Variants in RYR2 observed in about 807,000 individuals in gnomAD.
The protein encoded by RYR2 is ryanodine receptor 2, also known as cardiac muscle ryanodine receptor-calcium release channel.
Under a neutral mutation model 601.1 loss-of-function variants are expected in RYR2, and 227 were observed. The ratio of observed to expected loss-of-function variants is 0.38; its 90% CI spans 0.34 to 0.42. RYR2 has a LOEUF of 0.42. Ranked by LOEUF, RYR2 falls within the 10% of genes least tolerant of loss-of-function variation. The probability of loss-of-function intolerance (pLI) is 1.00; values close to 1 mark genes in which losing one functional copy is unlikely to be tolerated. For synonymous variants in RYR2, 2,223 were observed against 2,175.1 expected (o/e 1.02, Z -0.61); for missense variants, 4,646 against 6,156.5 (o/e 0.75, Z 8.21).
intron 5 of RYR2, among the ~76,000 whole-genome samples, chr1:237,366,618 C>A (rs1258622621): frequency 3.3e-5 from 5 of 149,698 alleles, no homozygotes; most frequent in Non-Finnish European, 7.4e-5. Flanking sequence ...AAAAAGCAAA[C>A]CAGAAAGAAC....
chr1:237,350,605 A>ATG (rs1558666087), intron 3 of RYR2, among the ~76,000 whole-genome samples: 1,284 of 74,442 alleles, frequency 0.017, 48 homozygotes, highest in African/African-American at 0.072. Flanking sequence ...AAAAAAAAAT[A>ATG]TATATATATA....
chr1:237,701,871 G>A (rs1313879702), intron 65 of RYR2, 107 bp from the exon 66 acceptor site: 3 of 591,032 alleles, frequency 5.1e-6, no homozygotes, highest in Non-Finnish European at 9.1e-6. Context: ...TCTTTTTATG[G>A]ATGAATAGTA....
chr1:237,257,651 C>T (rs538745707), intron 1 of RYR2, among the ~76,000 whole-genome samples: 16 of 152,186 alleles, frequency 1.1e-4, no homozygotes, highest in South Asian at 4.1e-4. Context: ...ATGCAGTGTG[C>T]GTGCTTCTGT....
At chr1:237,307,593 C>T in intron 2 of RYR2, among the ~76,000 whole-genome samples, 1 of 152,282 alleles carries the variant, frequency 6.6e-6, no homozygotes, top group East Asian at 1.9e-4. Flanking sequence ...ATTTATCAAG[C>T]TAACTTGAGT....
At chr1:237,706,419 G>T (rs1688384166) in intron 67 of RYR2, among the ~76,000 whole-genome samples, 1 of 152,206 alleles carries the variant, frequency 6.6e-6, no homozygotes, top group Non-Finnish European at 1.5e-5. Flanking sequence ...GGAAAGATGA[G>T]TTGTAAAAGT....
rs1304783030 is a variant in RYR2, at chr1:237,492,954, G to T, written c.1828G>T (p.Val610Phe). ...AGCTGAAAGTAATTTCTCTTTTCAG[G>T]TTCTGGATGTCTTGTGCTCACTCTG... The part of the protein sequence containing the change: ...LLDKHGRNHK[V>F]LDVLCSLCVC... The change falls in exon 19 of 105, where the codon GTT becomes TTT. Residue 610 changes from valine (V) to phenylalanine (F), a missense_variant and splice_region_variant. By Grantham distance (50) the Val-to-Phe change is conservative (BLOSUM62 -1). Around this residue, in one of 17 missense-constraint regions of RYR2, gnomAD observed 1,807 missense variants for 2,088.1 expected, o/e 0.87. Coordinates refer to ENST00000366574, the MANE Select transcript of RYR2 (RefSeq NM_001035.3). 1.9e-6 allele frequency: 3 copies of T among 1,579,220 alleles called. No individual in the cohort carries two copies. Among genetic ancestry groups the T allele is most frequent in the Non-Finnish European group, 2.6e-6 (3 of 1,160,032 alleles).
At chr1:237,330,488 A>G (rs1172022164) in intron 2 of RYR2, among the ~76,000 whole-genome samples, 2 of 152,126 alleles carry the variant, frequency 1.3e-5, no homozygotes, top group Non-Finnish European at 2.9e-5. Flanking sequence ...CCTGGGTTCA[A>G]ACTATTCTCC....
intron 1 of RYR2, among the ~76,000 whole-genome samples, chr1:237,054,893 C>T (rs1661782903): frequency 6.6e-6 from 1 of 152,102 alleles, no homozygotes; most frequent in South Asian, 2.1e-4. Context: ...TCTTCTGTCT[C>T]CCCATCCCCA....
At chr1:237,207,915 T>C (rs1166280197) in intron 1 of RYR2, among the ~76,000 whole-genome samples, 2 of 152,244 alleles carry the variant, frequency 1.3e-5, no homozygotes, top group South Asian at 4.1e-4. Flanking sequence ...TAATCTTTTC[T>C]TGTTTTTCAC....
chr1:237,364,439 A>G, intron 5 of RYR2, 67 bp downstream of exon 5: 1 of 874,632 alleles, frequency 1.1e-6, no homozygotes, highest in Non-Finnish European at 1.7e-6. Flanking sequence ...TGGATTATAT[A>G]TGTATGTATC....
chr1:237,255,762 A>T (rs895862208), intron 1 of RYR2, among the ~76,000 whole-genome samples: 1 of 150,924 alleles, frequency 6.6e-6, no homozygotes, highest in Non-Finnish European at 1.5e-5. Context: ...TGTGATTGGC[A>T]CTCGATTGAT....
intron 1 of RYR2, among the ~76,000 whole-genome samples, chr1:237,173,807 A>G (rs1279559512): frequency 6.6e-6 from 1 of 152,170 alleles, no homozygotes; most frequent in Non-Finnish European, 1.5e-5. Flanking sequence ...CTGTAATCCC[A>G]GCACTTTGGG....
At chr1:237,138,811 G>C (rs576494106) in intron 1 of RYR2, among the ~76,000 whole-genome samples, 1 of 152,158 alleles carries the variant, frequency 6.6e-6, no homozygotes. Flanking sequence ...GTTCAACTTT[G>C]TTAGTTATTA....
chr1:237,570,382 G>A (rs1439593740), intron 29 of RYR2, among the ~76,000 whole-genome samples: 1 of 149,708 alleles, frequency 6.7e-6, no homozygotes, highest in Non-Finnish European at 1.5e-5. Context: ...CTTGTCGCCC[G>A]GGCTGGAGTT....
At chr1:237,575,364 A>G (rs188671628) in intron 29 of RYR2, among the ~76,000 whole-genome samples, 37 of 152,258 alleles carry the variant, frequency 2.4e-4, no homozygotes, top group African/African-American at 8.4e-4. Flanking sequence ...CCAAAACCAG[A>G]GATTATTCCA....
At position 237,454,837 on chromosome 1, in the gene RYR2, C is replaced by G. The variant is rs147608006; in HGVS notation, c.1476+263C>G. ...CATTTACTGTCTGCTCAGCCCTCAC[C>G]CTGGTCTTTTGCAAGCACTATAGTT... On this transcript the variant is annotated intron_variant, in intron 15 of 104. Transcript: ENST00000366574. Among the ~76,000 whole-genome samples the G allele has an allele frequency of 2.6e-3, 391 of 152,260 alleles. 4 individuals are homozygous for G. The highest frequency in any genetic ancestry group is 8.7e-3 in the African/African-American group (361 of 41,552).
intron 62 of RYR2, among the ~76,000 whole-genome samples, chr1:237,684,528 C>A (rs1046734293): frequency 2.4e-4 from 37 of 152,116 alleles, no homozygotes; most frequent in African/African-American, 8.9e-4. Flanking sequence ...AGAAAAAGGT[C>A]CAACTTGGTG....
intron 38 of RYR2, among the ~76,000 whole-genome samples, chr1:237,619,989 G>A (rs1678906375): frequency 6.6e-6 from 1 of 152,134 alleles, no homozygotes; most frequent in African/African-American, 2.4e-5. Flanking sequence ...AATGAAAAAT[G>A]AAGGAAATTT....
chr1:237,205,915 G>A (rs774726461), intron 1 of RYR2, among the ~76,000 whole-genome samples: 7 of 152,324 alleles, frequency 4.6e-5, no homozygotes, highest in African/African-American at 1.4e-4. Context: ...ACTGGAAGCC[G>A]TGAGTCAGAC....
Sources: gnomAD v4.1 joint callset for allele counts (sites outside exome capture counted in the v4.1 genomes callset) on GRCh38, gnomAD v4.1.1 for gene constraint, gnomAD v4.1.1 regional missense constraint, MANE v1.5 for transcripts, NCBI Gene and HGNC (gene_info 2026-07-23, HGNC 2026-07-21) for gene names.